The following HSP90B1 variants were observed in gnomAD, a reference collection of about 807,000 sequenced individuals.
HSP90B1 encodes heat shock protein 90 beta family member 1.
In HSP90B1, 27 loss-of-function variants were observed where a neutral mutation model predicts 100.4. The ratio of observed to expected loss-of-function variants is 0.27; its 90% CI spans 0.20 to 0.37. HSP90B1 has a LOEUF of 0.37. Ranked by LOEUF, HSP90B1 falls within the 10% of genes least tolerant of loss-of-function variation. The pLI is 1.00. For missense variants in HSP90B1, 678 were observed against 960.5 expected, an observed-to-expected ratio of 0.71 and a Z score of 3.89; for synonymous variants, 304 against 330.8, an observed-to-expected ratio of 0.92 and a Z score of 0.88.
intron 17 of HSP90B1, 63 bp from the exon 18 acceptor site, chr12:103,947,570 G>C: frequency 6.5e-7 from 1 of 1,547,702 alleles, no homozygotes; most frequent in Non-Finnish European, 8.8e-7. Flanking sequence ...GCACAAACCT[G>C]TGAGCTAGGT....
rs190571007 is a variant in HSP90B1, at chr12:103,944,690, G to A, written c.2027+816G>A. 2.3e-3 allele frequency among the ~76,000 whole-genome samples: 355 copies of A among 152,126 alleles called. 12 individuals are homozygous for A. Among genetic ancestry groups the A allele is most frequent in the Admixed American group, 0.022 (332 of 15,280 alleles). On this transcript the variant is annotated intron_variant, in intron 14 of 17. Coordinates refer to ENST00000299767, the MANE Select transcript of HSP90B1 (RefSeq NM_003299.3). ...TCCTGTCTTAGCCTCCTGAGTAGCT[G>A]GGATTACAGGCACCTGTCAGCACAC...
Position 103,942,779 on chromosome 12 carries a change from G to A in HSP90B1, c.1627G>A (p.Gly543Arg). The A allele has an allele frequency of 6.2e-7, 1 of 1,613,822 alleles. No homozygotes were observed. Among genetic ancestry groups the A allele is most frequent in the Non-Finnish European group, 8.5e-7 (1 of 1,179,810 alleles). Residue 543 changes from glycine to arginine, a missense_variant, in exon 12 of 18, where the codon GGG (glycine) becomes AGG (arginine). Around this residue, in one of 8 missense-constraint regions of HSP90B1, gnomAD observed 170 missense variants for 236.7 expected, o/e 0.72. Transcript: ENST00000299767. ...EKQDKIYFMA[G>R]SSRKEAESSP... is the part of the protein sequence containing the mutation. ...ACAAGACAAAATCTACTTCATGGCT[G>A]GGTCCAGCAGAAAAGAGGTGAGATG...
At chr12:103,940,005 G>A (rs1047828501) in intron 8 of HSP90B1, among the ~76,000 whole-genome samples, 1 of 152,126 alleles carries the variant, frequency 6.6e-6, no homozygotes, top group African/African-American at 2.4e-5. Context: ...ACAAAATCAA[G>A]AATGTTTGAA....
Position 103,943,333 on chromosome 12 carries a change from T to A in HSP90B1, c.1890+14T>A. ...CTTAAGGACAAGGTACTGTGGAAAT[T>A]ACAAATTGTGGAAATATTAGTATCA... On this transcript the variant is annotated intron_variant, in intron 13 of 17. Transcript: ENST00000299767. The surrounding 1 kb of genome is among the most constrained non-coding windows in gnomAD (Gnocchi z 5.3). 1 of 1,610,552 alleles carries A rather than the reference T, an allele frequency of 6.2e-7. No homozygotes were observed. The highest frequency in any genetic ancestry group is 8.5e-7 in the Non-Finnish European group (1 of 1,178,128).
In HSP90B1 at chr12:103,938,348, T is replaced by C. The variant is rs1438176577; in HGVS notation, c.864T>C (p.Thr288=). The change falls in exon 7 of 18, where the codon ACT becomes ACC. Residue 288 remains threonine (T), a synonymous_variant. Coordinates refer to ENST00000299767, the MANE Select transcript of HSP90B1 (RefSeq NM_003299.3). ...PIYVWSSKTE[T]VEEPMEEEEA... ...TTCTCTTATTTCAACAGACTGAAACTGTTGAGGAGCCCATGGAGGAAGAAG... is the reference window on the plus strand; with the variant it reads ...TTCTCTTATTTCAACAGACTGAAACCGTTGAGGAGCCCATGGAGGAAGAAG... 6.4e-7 allele frequency: 1 copy of C among 1,551,888 alleles called. No individual in the cohort carries two copies. Among genetic ancestry groups the C allele is most frequent in the Non-Finnish European group, 8.7e-7 (1 of 1,146,404 alleles).
intron 9 of HSP90B1, 39 bp from the exon 10 acceptor site, chr12:103,941,589 GT>G: frequency 1.2e-6 from 2 of 1,613,826 alleles, no homozygotes; most frequent in Non-Finnish European, 8.5e-7. Context: ...AAATTTGAAA[GT>G]TTAATTTCCA....
intron 5 of HSP90B1, 58 bp from the exon 6 acceptor site, chr12:103,937,637 A>G (rs1869953895): frequency 2.4e-6 from 2 of 843,872 alleles, no homozygotes; most frequent in Non-Finnish European, 4.0e-6. Context: ...ATTTAAATGA[A>G]TTTATAATCA....
At chr12:103,941,569 G>T in intron 9 of HSP90B1, 22 bp downstream of exon 9, 1 of 1,613,900 alleles carries the variant, frequency 6.2e-7, no homozygotes, top group African/African-American at 1.3e-5. Flanking sequence ...AGTAGTACAT[G>T]CTGCGTTTAA....
rs1200770219 is a variant in HSP90B1, at chr12:103,930,448, A to T, written c.-68A>T. On this transcript the variant is annotated 5_prime_UTR_variant, in exon 1 of 18. Transcript: ENST00000299767. This position sits in a 1 kb window ranked among gnomAD's most constrained non-coding sequence, Gnocchi z 4.4. ...CGCGGCTGGAGGTGTGAGGATCCGA[A>T]CCCAGGGGTGGGGGGTGGAGGCGGC... 1 of 1,490,862 alleles carries T rather than the reference A, an allele frequency of 6.7e-7. No homozygotes were observed. The highest frequency in any genetic ancestry group is 2.0e-5 in the Admixed American group (1 of 49,372). 92.4% of individuals were successfully genotyped at this position (1,490,862 alleles called of 1,614,324 possible).
In HSP90B1 at chr12:103,941,918, AC is replaced by A. The variant is rs1566167284; in HGVS notation, c.1374+22del. ...TTAAGGTAAGTGTCTCTGGGAAGAA[AC>A]TCTCCACTTTGCTGTTTGATTGGGG... On this transcript the variant is annotated intron_variant, in intron 11 of 17. Coordinates refer to ENST00000299767, the MANE Select transcript of HSP90B1 (RefSeq NM_003299.3). 3.1e-6 allele frequency: 5 copies of A among 1,598,144 alleles called. No individual in the cohort carries two copies. The South Asian group carries it at 5.5e-5, about 18-fold the overall frequency.
chr12:103,931,730 C>T lies in HSP90B1; in HGVS notation c.152+107C>T. ...CCAAAGGTCCAGATAAAGTCTAACA[C>T]CCTGTATTTAAATACCCGGTGAGTT... On this transcript the variant is annotated intron_variant, in intron 2 of 17. Transcript: ENST00000299767. 3 of 810,114 alleles carry T rather than the reference C, an allele frequency of 3.7e-6. No homozygotes were observed. The East Asian group carries it at 8.2e-5, about 22-fold the overall frequency. 50.2% of individuals were successfully genotyped at this position (810,114 alleles called of 1,614,324 possible). A position where few individuals can be genotyped will look rare whatever the true frequency, so the allele number is the denominator to read the frequency against.
In HSP90B1 at chr12:103,932,288, C is replaced by G; in HGVS notation, c.164C>G (p.Ala55Gly). 1 of 1,609,016 alleles carries G rather than the reference C, an allele frequency of 6.2e-7. No individual in the cohort carries two copies. The highest frequency in any genetic ancestry group is 8.5e-7 in the Non-Finnish European group (1 of 1,178,182). Residue 55 changes from alanine to glycine, a missense_variant, in exon 3 of 18, where the codon GCT (alanine) becomes GGT (glycine). By Grantham distance (60) the Ala-to-Gly change is moderately conservative. This residue lies in a region of HSP90B1 where 88 missense variants were observed against 88.2 expected (regional missense o/e 1.00). Transcript: ENST00000299767. The stretch of plus-strand genomic sequence containing the variant: ...ACTGATTTCCTTAGAGAGGAAGAAG[C>G]TATTCAGTTGGATGGATTAAATGCA... ...DDEVVQREEEAIQLDGLNASQ... is the reference protein window; with the variant it reads ...DDEVVQREEEGIQLDGLNASQ...
At position 103,943,913 on chromosome 12, in the gene HSP90B1, C is replaced by A; in HGVS notation, c.2027+39C>A. 6.3e-7 allele frequency: 1 copy of A among 1,578,908 alleles called. No individual in the cohort carries two copies. The highest frequency in any genetic ancestry group is 1.2e-5 in the South Asian group (1 of 86,882). On this transcript the variant is annotated intron_variant, in intron 14 of 17. Coordinates refer to ENST00000299767, the MANE Select transcript of HSP90B1 (RefSeq NM_003299.3). The surrounding 1 kb of genome is among the most constrained non-coding windows in gnomAD (Gnocchi z 5.3). ...GGAAAGTCCCTGCCAGGGCGTTGCC[C>A]CTTACCCAATCTTTGTTTTGGAGAT...
intron 5 of HSP90B1, 93 bp from the exon 6 acceptor site, chr12:103,937,602 C>T: frequency 1.4e-6 from 1 of 695,584 alleles, no homozygotes; most frequent in South Asian, 1.6e-5. Context: ...TTGGATTATA[C>T]TGAACTGCTG....
intron 14 of HSP90B1, among the ~76,000 whole-genome samples, chr12:103,944,756 A>ATG (rs1870181526): frequency 6.6e-6 from 1 of 152,174 alleles, no homozygotes; most frequent in African/African-American, 2.4e-5. Context: ...GTGTTTCACC[A>ATG]TGTTGGCCAG....
chr12:103,931,863 A>G (rs1277394606), intron 2 of HSP90B1: 3 of 532,298 alleles, frequency 5.6e-6, no homozygotes, highest in Non-Finnish European at 6.9e-6. Context: ...GTAAGACTTT[A>G]TAGAAGATAC....
At position 103,941,686 on chromosome 12, in the gene HSP90B1, C is replaced by G. The variant is rs1380790566; in HGVS notation, c.1288C>G (p.Leu430Val). ...CTTCCATGATATGATGCCTAAATACCTCAATTTTGTCAAGGGTGTGGTAAG... is the reference window on the plus strand; with the variant it reads ...CTTCCATGATATGATGCCTAAATACGTCAATTTTGTCAAGGGTGTGGTAAG... ...DDFHDMMPKY[L>V]NFVKGVVDSD... Residue 430 changes from leucine (L) to valine (V), a missense_variant, in exon 10 of 18, where the codon CTC becomes GTC. Leu to Val is a conservative substitution (Grantham distance 32, BLOSUM62 1). Coordinates refer to ENST00000299767, the MANE Select transcript of HSP90B1 (RefSeq NM_003299.3). The G allele has an allele frequency of 1.9e-6, 3 of 1,613,812 alleles. No homozygotes were observed. The African/African-American group carries it at 4.0e-5, about 22-fold the overall frequency.
rs746612529 is a variant in HSP90B1 at position 103,931,502 on chromosome 12, G to C, written c.50-19G>C. ...GGAGAAGTGTGATGTTGAAGAGTTT[G>C]CCCGTGTTAAATCTTCAGGGTCGGT... On this transcript the variant is annotated intron_variant, in intron 1 of 17. Coordinates refer to ENST00000299767, the MANE Select transcript of HSP90B1 (RefSeq NM_003299.3). 1 of 1,577,744 alleles carries C rather than the reference G, an allele frequency of 6.3e-7. No homozygotes were observed. Among genetic ancestry groups the C allele is most frequent in the East Asian group, 2.2e-5 (1 of 44,658 alleles).
intron 4 of HSP90B1, 116 bp downstream of exon 4, chr12:103,933,058 T>A: frequency 1.6e-6 from 1 of 634,578 alleles, no homozygotes; most frequent in Admixed American, 2.6e-5. Context: ...ACCCCAAGTC[T>A]CAGTGGCTTG....
Sources: gnomAD v4.1 joint callset for allele counts (sites outside exome capture counted in the v4.1 genomes callset) on GRCh38, gnomAD v4.1.1 for gene constraint, gnomAD v4.1.1 regional missense constraint, Gnocchi (gnomAD v3.1) non-coding constraint, MANE v1.5 for transcripts, NCBI Gene and HGNC (gene_info 2026-07-23, HGNC 2026-07-21) for gene names.